Variants in ZNF442 observed in about 807,000 individuals in gnomAD.
The protein encoded by ZNF442 is zinc finger protein 442.
In ZNF442, 45 loss-of-function variants were observed where a neutral mutation model predicts 57.0. The ratio of observed to expected loss-of-function variants is 0.79; its 90% CI spans 0.62 to 1.01. The LOEUF is 1.01. ZNF442 is among the 50% of genes least tolerant of loss of function. The probability of loss-of-function intolerance (pLI) is 0.00; values close to 1 mark genes in which losing one functional copy is unlikely to be tolerated. For synonymous variants in ZNF442, 213 were observed against 241.8 expected (o/e 0.88, Z 1.10); for missense variants, 690 against 756.5 (o/e 0.91, Z 1.03).
At chr19:12,355,303 A>G (rs560688577) in intron 3 of ZNF442, among the ~76,000 whole-genome samples, 9 of 151,374 alleles carry the variant, frequency 5.9e-5, no homozygotes, top group Non-Finnish European at 8.8e-5. Flanking sequence ...AAAAAAAAAA[A>G]AAAGAAAGAC....
At chr19:12,352,956 T>C (rs1204999968) in intron 4 of ZNF442, 32 bp downstream of exon 4, 1 of 1,585,778 alleles carries the variant, frequency 6.3e-7, no homozygotes, top group African/African-American at 1.4e-5. Context: ...ATGTCTCTAA[T>C]TGACTAAGTG....
chr19:12,358,358 T>C (rs1969369106), intron 3 of ZNF442, among the ~76,000 whole-genome samples: 1 of 152,210 alleles, frequency 6.6e-6, no homozygotes, highest in Non-Finnish European at 1.5e-5. Flanking sequence ...ATCCTTGCTG[T>C]CACAAAGGAC....
chr19:12,364,672 A>T (rs773160313), intron 2 of ZNF442, 130 bp downstream of exon 2: 1 of 151,862 alleles, frequency 6.6e-6, no homozygotes, highest in Non-Finnish European at 1.5e-5. Context: ...TCTCTGAAAA[A>T]CTCGAAGAGG....
At chr19:12,353,635 T>C (rs1969279953) in intron 3 of ZNF442, among the ~76,000 whole-genome samples, 1 of 152,138 alleles carries the variant, frequency 6.6e-6, no homozygotes. Flanking sequence ...TTCGGGAGCT[T>C]GGAATTTTGT....
intron 3 of ZNF442, among the ~76,000 whole-genome samples, chr19:12,359,765 G>A (rs1220556984): frequency 2.6e-5 from 4 of 152,016 alleles, no homozygotes; most frequent in African/African-American, 7.3e-5. Flanking sequence ...AGATCATGAG[G>A]TCAGGATATC....
intron 3 of ZNF442, among the ~76,000 whole-genome samples, chr19:12,354,212 T>C (rs1344256419): frequency 6.6e-6 from 1 of 152,202 alleles, no homozygotes; most frequent in African/African-American, 2.4e-5. Context: ...GCCCATCCTA[T>C]GTGATTACAC....
upstream of ZNF442, among the ~76,000 whole-genome samples, chr19:12,370,569 T>C (rs1156536465): frequency 6.6e-6 from 1 of 152,066 alleles, no homozygotes; most frequent in Admixed American, 6.6e-5. Context: ...CCTTATCTTA[T>C]TCTGATAATT....
chr19:12,373,174 G>A, the ZNF442 span, among the ~76,000 whole-genome samples: 1 of 152,192 alleles, frequency 6.6e-6, no homozygotes, highest in African/African-American at 2.4e-5. Context: ...TATATCCATG[G>A]AGGTGACACT....
At chr19:12,354,715 C>T (rs1048856396) in intron 3 of ZNF442, among the ~76,000 whole-genome samples, 3 of 152,168 alleles carry the variant, frequency 2.0e-5, no homozygotes, top group African/African-American at 4.8e-5. Flanking sequence ...GGATTACAGG[C>T]GTGTGCCAGC....
chr19:12,352,911 C>A (rs1969267577), intron 4 of ZNF442, 77 bp downstream of exon 4: 4 of 1,543,166 alleles, frequency 2.6e-6, no homozygotes, highest in Non-Finnish European at 3.5e-6. Context: ...TTCGGTATTT[C>A]AAATCATTCA....
chr19:12,349,739 G>A lies in ZNF442; in HGVS notation c.1846C>T (p.His616Tyr), dbSNP rs1483765444. The A allele has an allele frequency of 6.2e-7, 1 of 1,613,152 alleles. No individual in the cohort carries two copies. The highest frequency in any genetic ancestry group is 1.3e-5 in the African/African-American group (1 of 74,832). Residue 616 changes from histidine to tyrosine, a missense_variant, in exon 6 of 6, where the codon CAT becomes TAT. His to Tyr is a moderately conservative substitution (Grantham distance 83). Transcript: ENST00000242804. ...GKALSSLSSL[H>Y]RHKRTHWRDT... Reference sequence around the variant, plus strand: ...CTCCAGTGAGTCCTTTTATGTCTATGCAAGGAACTGAGAGAACTCAGTGCC... The same window carrying A: ...CTCCAGTGAGTCCTTTTATGTCTATACAAGGAACTGAGAGAACTCAGTGCC...
At chr19:12,362,551 C>T (rs1388876816) in intron 3 of ZNF442, among the ~76,000 whole-genome samples, 1 of 150,436 alleles carries the variant, frequency 6.6e-6, no homozygotes, top group East Asian at 2.0e-4. Flanking sequence ...AGGTGGGGGA[C>T]AGCTCCCGCC....
Position 12,349,984 on chromosome 19 carries a change from T to C in ZNF442, c.1601A>G (p.His534Arg), listed in dbSNP as rs750098525. 4.4e-5 allele frequency: 71 copies of C among 1,614,112 alleles called. 1 individual carries two copies. The South Asian group carries it at 5.4e-4, about 12-fold the overall frequency. The change falls in exon 6 of 6, where the codon CAT becomes CGT. Residue 534 changes from histidine to arginine, a missense_variant. His to Arg is a conservative substitution (Grantham distance 29, BLOSUM62 0). Coordinates refer to ENST00000242804, the MANE Select transcript of ZNF442 (RefSeq NM_030824.3). ...CTTCTCTCCAGTGTGAATCCTTTCA[T>C]GGACTTTTAAGTTACCAAAATGACT... ...AFSHFGNLKV[H>R]ERIHTGEKPY... is the part of the protein sequence containing the mutation.
Position 12,349,026 on chromosome 19 carries a change from C to CAAAAAAAAA in ZNF442, c.*666_*674dup, listed in dbSNP as rs146226078. On this transcript the variant is annotated 3_prime_UTR_variant, in exon 6 of 6. Coordinates refer to ENST00000242804, the MANE Select transcript of ZNF442 (RefSeq NM_030824.3). The stretch of plus-strand genomic sequence containing the variant: ...TGAAACCCCGTCTCTACTAAAAATA[C>CAAAAAAAAA]AAAAAAAAAAAAAAAAAAAAAAAAA... The CAAAAAAAAA allele has an allele frequency of 9.4e-3, 535 of 56,822 alleles. No individual in the cohort carries two copies. Among genetic ancestry groups the CAAAAAAAAA allele is most frequent in the Non-Finnish European group, 0.014 (369 of 25,954 alleles). 3.5% of individuals were successfully genotyped at this position (56,822 alleles called of 1,614,324 possible).
rs145197965 is a variant in ZNF442, at chr19:12,358,459, C to T, written c.78+5095G>A. Reference sequence around the variant, plus strand: ...CCAATCCTCCACTTAGGTCGATTCCCTTATCTTTGCTTTGTGAATAGTGCT... The same window carrying T: ...CCAATCCTCCACTTAGGTCGATTCCTTTATCTTTGCTTTGTGAATAGTGCT... On this transcript the variant is annotated intron_variant, in intron 3 of 5. Coordinates refer to ENST00000242804, the MANE Select transcript of ZNF442 (RefSeq NM_030824.3). 1.0e-3 allele frequency among the ~76,000 whole-genome samples: 159 copies of T among 152,300 alleles called. 4 individuals carry two copies. Among genetic ancestry groups the T allele is most frequent in the African/African-American group, 3.5e-3 (147 of 41,574 alleles).
In ZNF442 at chr19:12,346,070, GAA is replaced by G. The variant is rs1969126462; in HGVS notation, c.*3629_*3630del. Reference sequence around the variant, plus strand: ...CCAAAGGACAATCTCAAGATGAAAAGAAAACCTACAGAAAGGGAGAACACATC... The same window carrying G: ...CCAAAGGACAATCTCAAGATGAAAAGAACCTACAGAAAGGGAGAACACATC... On this transcript the variant is annotated 3_prime_UTR_variant, in exon 6 of 6. Coordinates refer to ENST00000242804, the MANE Select transcript of ZNF442 (RefSeq NM_030824.3). 6.6e-6 allele frequency: 1 copy of G among 152,014 alleles called. No homozygotes were observed. Among genetic ancestry groups the G allele is most frequent in the East Asian group, 1.9e-4 (1 of 5,202 alleles). The allele number at this position is 152,014 out of a possible 1,614,324, so 9.4% of individuals were successfully genotyped here. A position where few individuals can be genotyped will look rare whatever the true frequency, so the allele number is the denominator to read the frequency against.
intron 3 of ZNF442, among the ~76,000 whole-genome samples, chr19:12,362,624 C>T (rs540841676): frequency 8.9e-5 from 11 of 123,848 alleles, no homozygotes; most frequent in East Asian, 8.2e-4. Flanking sequence ...CCGCCCCCTC[C>T]GGGAGGTGGG....
intron 3 of ZNF442, among the ~76,000 whole-genome samples, chr19:12,353,866 A>T (rs1969283738): frequency 6.6e-6 from 1 of 152,106 alleles, no homozygotes; most frequent in Admixed American, 6.5e-5. Context: ...ACAGAGTTGG[A>T]CTTATGTCCC....
At position 12,349,703 on chromosome 19, in the gene ZNF442, A is replaced by G. The variant is rs141143740; in HGVS notation, c.1882T>C (p.Ter628GlnextTer7). The stretch of plus-strand genomic sequence containing the variant: ...AATTAATGAATGCTTTTCCACATTT[A>G]TAGAGTATCTCTCCAGTGAGTCCTT... The part of the protein sequence containing the change: ...HKRTHWRDTL[*>Q] Residue 628 changes from the stop codon to glutamine, a stop_lost, in exon 6 of 6, where the codon TAA (stop) becomes CAA (glutamine). Transcript: ENST00000242804. The G allele has an allele frequency of 6.3e-7, 1 of 1,594,490 alleles. No individual in the cohort carries two copies. The highest frequency in any genetic ancestry group is 1.8e-5 in the Admixed American group (1 of 55,614).
Sources: gnomAD v4.1 joint callset for allele counts (sites outside exome capture counted in the v4.1 genomes callset) on GRCh38, gnomAD v4.1.1 for gene constraint, MANE v1.5 for transcripts, NCBI Gene and HGNC (gene_info 2026-07-23, HGNC 2026-07-21) for gene names.